Variants in C2CD3 observed in about 807,000 individuals in gnomAD.
The protein encoded by C2CD3 is C2 domain containing 3 centriole elongation regulator, also known as C2 domain-containing protein 3.
A neutral mutation model predicts 234.0 loss-of-function variants in C2CD3; 148 were observed. The ratio of observed to expected loss-of-function variants is 0.63; its 90% confidence interval spans 0.55 to 0.72. The LOEUF (loss-of-function observed/expected upper bound fraction) is 0.72. Among genes scored for constraint, C2CD3 ranks in the 30% least tolerant of loss-of-function variants. C2CD3 has a pLI of 0.00. For synonymous variants in C2CD3, 1,000 were observed against 1,035.4 expected (o/e 0.97, Z 0.66); for missense variants, 2,577 against 2,811.5 (o/e 0.92, Z 1.89).
chr11:74,055,465 G>A (rs1248173125), intron 25 of C2CD3, among the ~76,000 whole-genome samples: 1 of 152,214 alleles, frequency 6.6e-6, no homozygotes, highest in Non-Finnish European at 1.5e-5. Flanking sequence ...TGGAGATCTA[G>A]AGAAAACCAA....
chr11:74,092,499 C>T lies in C2CD3; in HGVS notation c.3434G>A (p.Arg1145His), dbSNP rs779085623. Residue 1145 changes from arginine to histidine, a missense_variant, in exon 19 of 33, where the codon CGT becomes CAT. Physicochemically the swap from Arg to His is conservative, Grantham distance 29. Transcript: ENST00000334126. ...RICAMVTTQHREDVGIQTFNL... is the reference protein window; with the variant it reads ...RICAMVTTQHHEDVGIQTFNL... The stretch of plus-strand genomic sequence containing the variant: ...AAAGGTCTGTATTCCCACATCCTCA[C>T]GATGCTGGGTGGTTACCATAGCACA... 7.6e-5 allele frequency: 123 copies of T among 1,613,424 alleles called. No homozygotes were observed. Among genetic ancestry groups the T allele is most frequent in the Non-Finnish European group, 8.9e-5 (105 of 1,179,508 alleles).
At chr11:74,105,295 G>C (rs1043571795) in intron 13 of C2CD3, among the ~76,000 whole-genome samples, 1 of 151,854 alleles carries the variant, frequency 6.6e-6, no homozygotes, top group African/African-American at 2.4e-5. Flanking sequence ...TTTTGAGACA[G>C]AGTCTTGCTC....
intron 2 of C2CD3, among the ~76,000 whole-genome samples, chr11:74,162,416 C>T (rs539098657): frequency 1.3e-4 from 20 of 152,104 alleles, no homozygotes; most frequent in African/African-American, 4.6e-4. Flanking sequence ...GACTGGTAAC[C>T]TTTCATACCT....
chr11:74,038,574 T>C (rs1952856830), intron 29 of C2CD3, among the ~76,000 whole-genome samples: 1 of 152,206 alleles, frequency 6.6e-6, no homozygotes, highest in Non-Finnish European at 1.5e-5. Flanking sequence ...CCATATGAGA[T>C]GGACTCTGTT....
chr11:74,083,937 G>T (rs896691242), intron 22 of C2CD3, among the ~76,000 whole-genome samples: 1 of 152,100 alleles, frequency 6.6e-6, no homozygotes, highest in African/African-American at 2.4e-5. Context: ...GCCATCCCAT[G>T]ACTGGGTATA....
At position 74,042,052 on chromosome 11, in the gene C2CD3, AC is replaced by A. The variant is rs1953087933; in HGVS notation, c.5660+1del. The stretch of plus-strand genomic sequence containing the variant: ...CTGTGTCTTTTCTCAGTAGAGCCTC[AC>A]CTGAGAGAAGTCAGAATGGAGGTTT... On this transcript the variant is annotated splice_donor_variant, in intron 29 of 32. Transcript: ENST00000334126. LOFTEE classifies it high-confidence loss of function. The A allele has an allele frequency of 4.3e-6, 7 of 1,613,770 alleles. No individual in the cohort carries two copies. The highest frequency in any genetic ancestry group is 5.1e-6 in the Non-Finnish European group (6 of 1,179,820).
At chr11:74,123,199 T>C in intron 7 of C2CD3, 64 bp from the exon 8 acceptor site, 1 of 1,244,090 alleles carries the variant, frequency 8.0e-7, no homozygotes, top group African/African-American at 1.5e-5. Context: ...CTATTCTCTC[T>C]TTAGTGAAAC....
intron 9 of C2CD3, among the ~76,000 whole-genome samples, 193 bp from the exon 10 acceptor site, chr11:74,114,786 T>C (rs1956870059): frequency 6.6e-6 from 1 of 152,134 alleles, no homozygotes; most frequent in Non-Finnish European, 1.5e-5. Context: ...ACTGCAGCCT[T>C]GACCTCCTGG....
chr11:74,134,858 T>C (rs116273602), intron 5 of C2CD3, among the ~76,000 whole-genome samples: 3,613 of 152,218 alleles, frequency 0.024, 135 homozygotes, highest in African/African-American at 0.081. Flanking sequence ...CCCAAGTAGC[T>C]AGACTATAGG....
chr11:74,142,641 C>T (rs927806831), intron 3 of C2CD3, among the ~76,000 whole-genome samples: 1 of 151,612 alleles, frequency 6.6e-6, no homozygotes, highest in African/African-American at 2.4e-5. Flanking sequence ...AACATTTGAG[C>T]TTAGAATCTT....
chr11:74,113,465 G>C, intron 11 of C2CD3: 1 of 331,974 alleles, frequency 3.0e-6, no homozygotes, highest in South Asian at 2.6e-5. Context: ...GATCACTTAA[G>C]GTCAGGGGTT....
rs760746206 is a variant in C2CD3 at position 74,113,810 on chromosome 11, G to A, written c.1813C>T (p.Arg605Ter). 10 of 1,611,694 alleles carry A rather than the reference G, an allele frequency of 6.2e-6. No individual in the cohort carries two copies. Among genetic ancestry groups the A allele is most frequent in the South Asian group, 1.1e-5 (1 of 90,986 alleles). Residue 605 changes from arginine (R) to a stop codon, truncating the protein, a stop_gained, in exon 11 of 33, where the codon CGA becomes TGA. Transcript: ENST00000334126. LOFTEE classifies it high-confidence loss of function. ...GKTALITEVV[R>*]LASSKITDGK... ...TCTGTAATTTTACTGGAGGCGAGTC[G>A]AACAACCTCAGTGATCAAAGCTGTC... is the stretch of plus-strand genomic sequence containing the variant.
At chr11:74,146,727 C>CAT (rs1855222915) in intron 3 of C2CD3, among the ~76,000 whole-genome samples, 2 of 146,244 alleles carry the variant, frequency 1.4e-5, no homozygotes, top group African/African-American at 5.3e-5. Flanking sequence ...CACACACACA[C>CAT]ACACACACAC....
rs559975673 is a variant in C2CD3 at position 74,025,457 on chromosome 11, G to A, written c.6921+2830C>T. ...TACTAAAAATACAAAAATGCTCCTG[G>A]GAGTAAAAATATTTAGTATTTTTAC... is the stretch of plus-strand genomic sequence containing the variant. On this transcript the variant is annotated intron_variant, in intron 32 of 32. Transcript: ENST00000334126. Among the ~76,000 whole-genome samples the A allele has an allele frequency of 1.4e-3, 209 of 152,114 alleles. 1 individual carries two copies. The highest frequency in any genetic ancestry group is 4.9e-3 in the African/African-American group (205 of 41,460).
intron 32 of C2CD3, among the ~76,000 whole-genome samples, chr11:74,026,735 T>C (rs551424697): frequency 1.7e-3 from 261 of 152,168 alleles, no homozygotes; most frequent in African/African-American, 5.1e-3. Flanking sequence ...TTTGGGAGGC[T>C]GAGGCAGGCA....
At chr11:74,123,312 G>A (rs934532162) in intron 7 of C2CD3, among the ~76,000 whole-genome samples, 177 bp from the exon 8 acceptor site, 1 of 152,140 alleles carries the variant, frequency 6.6e-6, no homozygotes, top group Non-Finnish European at 1.5e-5. Context: ...CCCCTCCTCT[G>A]GGATGCTAAC....
At position 74,082,865 on chromosome 11, in the gene C2CD3, C is replaced by A. The variant is rs568409867; in HGVS notation, c.4000+2016G>T. Among the ~76,000 whole-genome samples, 660 of 152,262 alleles carry A rather than the reference C, an allele frequency of 4.3e-3. 3 individuals carry two copies. Among genetic ancestry groups the A allele is most frequent in the African/African-American group, 0.015 (636 of 41,536 alleles). On this transcript the variant is annotated intron_variant, in intron 22 of 32. Coordinates refer to ENST00000334126, the MANE Select transcript of C2CD3 (RefSeq NM_001286577.2). ...CAATATTGTGAAAATGGCCATACTG[C>A]CGAAGGTAATTTATAGATTCAATGC...
At chr11:74,129,574 G>GCTCCTC (rs1338725028) in intron 7 of C2CD3, 3 of 183,370 alleles carry the variant, frequency 1.6e-5, no homozygotes, top group Non-Finnish European at 3.3e-5. Context: ...GGGCAGAGAC[G>GCTCCTC]CTCCTCACTT....
chr11:74,117,589 C>A (rs1957068831), intron 9 of C2CD3, among the ~76,000 whole-genome samples: 1 of 151,376 alleles, frequency 6.6e-6, no homozygotes, highest in Admixed American at 6.6e-5. Context: ...AAACTGAGGG[C>A]AAGAGTGGGA....
Sources: allele counts gnomAD v4.1 joint callset (sites outside exome capture counted in the v4.1 genomes callset), GRCh38; gene constraint gnomAD v4.1.1; transcripts MANE v1.5; gene names NCBI Gene and HGNC (gene_info 2026-07-23, HGNC 2026-07-21).